The following GABRA2 variants were observed in gnomAD, a reference collection of about 807,000 sequenced individuals.
GABRA2 encodes gamma-aminobutyric acid receptor subunit alpha-2.
Under a neutral mutation model 48.7 loss-of-function variants are expected in GABRA2, and 16 were observed. That is an observed-to-expected ratio of 0.33 (90% CI 0.22 to 0.50). The LOEUF (loss-of-function observed/expected upper bound fraction) is 0.50, where lower values mean the gene tolerates loss of function less well. Among genes scored for constraint, GABRA2 ranks in the 20% least tolerant of loss-of-function variants. GABRA2 has a pLI of 0.98. For missense variants in GABRA2, 275 were observed against 535.6 expected (o/e 0.51, Z 4.80); for synonymous variants, 185 against 184.5 (o/e 1.00, Z -0.02).
chr4:46,358,005 TAGTATG>T (rs1361587961), intron 3 of GABRA2, among the ~76,000 whole-genome samples: 2 of 152,060 alleles, frequency 1.3e-5, no homozygotes, highest in African/African-American at 4.8e-5. Flanking sequence ...GACATAACGT[TAGTATG>T]AGTATAAAAC....
intron 8 of GABRA2, among the ~76,000 whole-genome samples, chr4:46,293,961 A>G (rs1213459738): frequency 6.6e-6 from 1 of 152,228 alleles, no homozygotes; most frequent in Non-Finnish European, 1.5e-5. Flanking sequence ...ATGTGGTTTC[A>G]TTGCTTGAAC....
At chr4:46,313,543 A>G (rs1202483810) in intron 4 of GABRA2, among the ~76,000 whole-genome samples, 1 of 150,870 alleles carries the variant, frequency 6.6e-6, no homozygotes, top group African/African-American at 2.4e-5. Context: ...TTTTCTCCAA[A>G]TTTTAACTTA....
chr4:46,327,094 C>A (rs1730519504), intron 4 of GABRA2, among the ~76,000 whole-genome samples: 1 of 151,818 alleles, frequency 6.6e-6, no homozygotes, highest in East Asian at 2.0e-4. Context: ...AAACAGATTT[C>A]TAACTAGTCT....
chr4:46,378,745 T>C (rs529120796), intron 3 of GABRA2, among the ~76,000 whole-genome samples: 1 of 152,014 alleles, frequency 6.6e-6, no homozygotes, highest in African/African-American at 2.4e-5. Flanking sequence ...GAGGATCACT[T>C]GAACCCGGGA....
chr4:46,256,582 T>A (rs1473006311), intron 9 of GABRA2, among the ~76,000 whole-genome samples: 1 of 151,578 alleles, frequency 6.6e-6, no homozygotes, highest in Non-Finnish European at 1.5e-5. Flanking sequence ...AGGTGTTACT[T>A]TGGTCACCAA....
chr4:46,312,055 C>A (rs1727735023), intron 5 of GABRA2, among the ~76,000 whole-genome samples: 1 of 152,230 alleles, frequency 6.6e-6, no homozygotes, highest in African/African-American at 2.4e-5. Context: ...GTCGAGATTG[C>A]ACCACTGCAC....
chr4:46,368,710 A>G (rs1011296289), intron 3 of GABRA2: 9 of 368,490 alleles, frequency 2.4e-5, no homozygotes, highest in African/African-American at 1.7e-4. Flanking sequence ...TTTGATTTAA[A>G]TGAAAATTGG....
At chr4:46,336,779 T>G (rs1732306185) in intron 3 of GABRA2, among the ~76,000 whole-genome samples, 2 of 152,114 alleles carry the variant, frequency 1.3e-5, no homozygotes, top group Admixed American at 6.6e-5. Context: ...CTTTTAAAAT[T>G]AATCCTAATC....
At chr4:46,378,333 G>C (rs1716256786) in intron 3 of GABRA2, among the ~76,000 whole-genome samples, 2 of 152,058 alleles carry the variant, frequency 1.3e-5, no homozygotes, top group South Asian at 4.2e-4. Context: ...CTTCTGCCTT[G>C]GGATCCTGTT....
intron 7 of GABRA2, among the ~76,000 whole-genome samples, 158 bp from the exon 8 acceptor site, chr4:46,303,770 C>T (rs1301527883): frequency 6.6e-6 from 1 of 152,142 alleles, no homozygotes; most frequent in Non-Finnish European, 1.5e-5. Flanking sequence ...GCCTCCTTAG[C>T]ATAGCATGAG....
chr4:46,370,850 GT>G (rs1714776762), intron 3 of GABRA2, among the ~76,000 whole-genome samples: 1 of 151,708 alleles, frequency 6.6e-6, no homozygotes, highest in Non-Finnish European at 1.5e-5. Context: ...TTAGATTTCT[GT>G]TCCAAGAACC....
intron 8 of GABRA2, among the ~76,000 whole-genome samples, chr4:46,276,908 G>T (rs181872062): frequency 5.2e-4 from 79 of 152,074 alleles, no homozygotes; most frequent in African/African-American, 1.9e-3. Flanking sequence ...CATCATTATT[G>T]CTATATAAAT....
At chr4:46,322,508 T>C (rs1729628119) in intron 4 of GABRA2, among the ~76,000 whole-genome samples, 1 of 151,856 alleles carries the variant, frequency 6.6e-6, no homozygotes, top group Non-Finnish European at 1.5e-5. Flanking sequence ...ATGACATAAG[T>C]ATGTGTCAGG....
chr4:46,338,697 C>A (rs565964980), intron 3 of GABRA2, among the ~76,000 whole-genome samples: 2 of 151,932 alleles, frequency 1.3e-5, no homozygotes, highest in African/African-American at 4.8e-5. Context: ...TGGAAAGTTG[C>A]AATTTCCCAT....
intron 3 of GABRA2, chr4:46,365,950 T>A (rs1050753622): frequency 6.6e-6 from 1 of 152,138 alleles, no homozygotes; most frequent in Admixed American, 6.6e-5. Context: ...TACTTCAATA[T>A]CACTTATAAT....
At chr4:46,331,739 G>A (rs2109808313) in intron 4 of GABRA2, among the ~76,000 whole-genome samples, 1 of 152,126 alleles carries the variant, frequency 6.6e-6, no homozygotes, top group South Asian at 2.1e-4. Context: ...TATTTTAATT[G>A]ATTGATTGAT....
rs1440416331 is a variant in GABRA2 at position 46,287,510 on chromosome 4, T to G, written c.856+15950A>C. ...TGGATGAAATTGGAAATCATCATTCTCAGTAAACTATCGCAAGAACAAAAA... is the reference window on the plus strand; with the variant it reads ...TGGATGAAATTGGAAATCATCATTCGCAGTAAACTATCGCAAGAACAAAAA... On this transcript the variant is annotated intron_variant, in intron 8 of 9. Coordinates refer to ENST00000381620, the MANE Select transcript of GABRA2 (RefSeq NM_000807.4). Among the ~76,000 whole-genome samples, 6 of 150,816 alleles carry G rather than the reference T, an allele frequency of 4.0e-5. 1 individual carries two copies. The highest frequency in any genetic ancestry group is 1.5e-4 in the African/African-American group (6 of 41,036).
intron 3 of GABRA2, among the ~76,000 whole-genome samples, chr4:46,351,878 TC>T (rs1431515419): frequency 6.6e-6 from 1 of 152,048 alleles, no homozygotes; most frequent in Non-Finnish European, 1.5e-5. Flanking sequence ...ATCGTTTTTT[TC>T]CTACCCTAAA....
At position 46,303,599 on chromosome 4, in the gene GABRA2, T is replaced by C; in HGVS notation, c.717A>G (p.Val239=). The stretch of plus-strand genomic sequence containing the variant: ...TTTTCAGGTGGAAATGAGCTGTCAT[T>C]ACAGTATATTCACCTGGAAGAAAAA... ...TIKSSTGEYT[V]MTAHFHLKRK... The change falls in exon 8 of 10, where the codon GTA becomes GTG. Residue 239 remains valine, a synonymous_variant. Coordinates refer to ENST00000381620, the MANE Select transcript of GABRA2 (RefSeq NM_000807.4). The C allele has an allele frequency of 6.2e-7, 1 of 1,613,464 alleles. No homozygotes were observed. Among genetic ancestry groups the C allele is most frequent in the South Asian group, 1.1e-5 (1 of 91,066 alleles).
Sources: allele counts gnomAD v4.1 joint callset (sites outside exome capture counted in the v4.1 genomes callset), GRCh38; gene constraint gnomAD v4.1.1; transcripts MANE v1.5; gene names NCBI Gene and HGNC (gene_info 2026-07-23, HGNC 2026-07-21).